The following BOD1L1 variants were observed in gnomAD, a reference collection of about 807,000 sequenced individuals.
BOD1L1 encodes the protein biorientation of chromosomes in cell division protein 1-like 1.
BOD1L1 carries 86 observed loss-of-function variants against 240.7 expected under a neutral mutation model. That is an observed-to-expected ratio of 0.36 (90% confidence interval 0.30 to 0.43). The LOEUF is 0.43. BOD1L1 is among the 20% of genes least tolerant of loss of function. The pLI is 1.00. For missense variants in BOD1L1, 3,554 were observed against 3,643.5 expected, an observed-to-expected ratio of 0.98 and a Z score of 0.63; for synonymous variants, 1,268 against 1,272.3, an observed-to-expected ratio of 1.00 and a Z score of 0.07.
At chr4:13,577,547 A>G (rs1455062335) in intron 23 of BOD1L1, 35 bp downstream of exon 23, 1 of 1,592,588 alleles carries the variant, frequency 6.3e-7, no homozygotes, top group Non-Finnish European at 8.6e-7. Context: ...GTTGATTTCT[A>G]AACAACATAT....
In BOD1L1 at chr4:13,595,938, C is replaced by T. The variant is rs756951482; in HGVS notation, c.8026G>A (p.Val2676Met). 3 of 1,613,042 alleles carry T rather than the reference C, an allele frequency of 1.9e-6. No individual in the cohort carries two copies. Among genetic ancestry groups the T allele is most frequent in the African/African-American group, 2.7e-5 (2 of 74,810 alleles). ...LKANLKMEAY[V>M]PSEEEKNGEI... ...CCATTTTTCTCTTCCTCTGAAGGCACATAAGCCTAAAAAATCCAAAGCACC... is the reference window on the plus strand; with the variant it reads ...CCATTTTTCTCTTCCTCTGAAGGCATATAAGCCTAAAAAATCCAAAGCACC... Residue 2676 changes from valine to methionine, a missense_variant, in exon 12 of 26, where the codon GTG becomes ATG. Physicochemically the swap from Val to Met is conservative, Grantham distance 21 (BLOSUM62 1). Around this residue, in one of 2 missense-constraint regions of BOD1L1, gnomAD observed 3,393 missense variants for 3,427.1 expected, o/e 0.99. Coordinates refer to ENST00000040738, the MANE Select transcript of BOD1L1 (RefSeq NM_148894.3).
At chr4:13,610,516 A>C (rs1296930669) in intron 6 of BOD1L1, among the ~76,000 whole-genome samples, 1 of 152,240 alleles carries the variant, frequency 6.6e-6, no homozygotes, top group Non-Finnish European at 1.5e-5. Context: ...GGCAGTCAAA[A>C]TGCAGTCAAA....
At position 13,581,208 on chromosome 4, in the gene BOD1L1, C is replaced by G; in HGVS notation, c.8593-1G>C. Reference sequence around the variant, plus strand: ...TTTTAATAATTATTGGCTGATCTTCCTAAGGGGGAAATAAAAAACAACAAC... The same window carrying G: ...TTTTAATAATTATTGGCTGATCTTCGTAAGGGGGAAATAAAAAACAACAAC... On this transcript the variant is annotated splice_acceptor_variant, in intron 19 of 25. Coordinates refer to ENST00000040738, the MANE Select transcript of BOD1L1 (RefSeq NM_148894.3). LOFTEE classifies it high-confidence loss of function. 6.5e-7 allele frequency: 1 copy of G among 1,545,848 alleles called. No individual in the cohort carries two copies. Among genetic ancestry groups the G allele is most frequent in the Non-Finnish European group, 8.7e-7 (1 of 1,146,296 alleles).
chr4:13,594,189 A>C (rs900833943), intron 12 of BOD1L1, among the ~76,000 whole-genome samples: 1 of 151,800 alleles, frequency 6.6e-6, no homozygotes, highest in South Asian at 2.1e-4. Flanking sequence ...AAATGCCTAT[A>C]GAGTTTTTTG....
intron 22 of BOD1L1, 27 bp downstream of exon 22, chr4:13,579,901 A>T: frequency 6.5e-7 from 1 of 1,538,204 alleles, no homozygotes; most frequent in Non-Finnish European, 8.8e-7. Flanking sequence ...CTCAGATAAC[A>T]CACAGAGGAA....
chr4:13,603,146 C>T lies in BOD1L1; in HGVS notation c.3754G>A (p.Val1252Ile). Reference sequence around the variant, plus strand: ...GCTGTGTTTTTCAAATTCTTCTGTACCCTATCATTTTCTGATGGGGCACTC... The same window carrying T: ...GCTGTGTTTTTCAAATTCTTCTGTATCCTATCATTTTCTGATGGGGCACTC... The part of the protein sequence containing the change: ...LLSAPSENDR[V>I]QKNLKNTAAE... The change falls in exon 10 of 26, where the codon GTA becomes ATA. Residue 1252 changes from valine to isoleucine, a missense_variant. By Grantham distance (29) the Val-to-Ile change is conservative. This residue lies in a region of BOD1L1 where 3,393 missense variants were observed against 3,427.1 expected (regional missense o/e 0.99). Coordinates refer to ENST00000040738, the MANE Select transcript of BOD1L1 (RefSeq NM_148894.3). 3.7e-6 allele frequency: 6 copies of T among 1,614,014 alleles called. No individual in the cohort carries two copies. The highest frequency in any genetic ancestry group is 5.1e-6 in the Non-Finnish European group (6 of 1,179,886).
chr4:13,603,994 C>A lies in BOD1L1; in HGVS notation c.2906G>T (p.Gly969Val). 6.2e-7 allele frequency: 1 copy of A among 1,613,942 alleles called. No homozygotes were observed. The highest frequency in any genetic ancestry group is 8.5e-7 in the Non-Finnish European group (1 of 1,179,868). The change falls in exon 10 of 26, where the codon GGT (glycine) becomes GTT (valine). Residue 969 changes from glycine to valine, a missense_variant. Physicochemically the swap from Gly to Val is moderately radical, Grantham distance 109. Transcript: ENST00000040738. ...KVEDKPFEETGVEPVLETASS... is the reference protein window; with the variant it reads ...KVEDKPFEETVVEPVLETASS... ...AGCAGTCTCTAATACAGGTTCAACA[C>A]CAGTTTCTTCAAAAGGTTTGTCTTC...
chr4:13,598,684 C>T (rs994744799), intron 10 of BOD1L1, among the ~76,000 whole-genome samples: 1 of 152,164 alleles, frequency 6.6e-6, no homozygotes, highest in African/African-American at 2.4e-5. Flanking sequence ...ACTTCCCATG[C>T]CTCAGCCTCC....
Position 13,614,808 on chromosome 4 carries a change from C to G in BOD1L1, c.562G>C (p.Val188Leu). ...KPDTSLITQG[V>L]PTPGPSANVA... Reference sequence around the variant, plus strand: ...TTAGCACTGGGCCCAGGAGTAGGAACACCTTAAAGAAAAACAGAAGTTTTA... The same window carrying G: ...TTAGCACTGGGCCCAGGAGTAGGAAGACCTTAAAGAAAAACAGAAGTTTTA... Residue 188 changes from valine (V) to leucine (L), a missense_variant and splice_region_variant, in exon 4 of 26, where the codon GTT (valine) becomes CTT (leucine). Coordinates refer to ENST00000040738, the MANE Select transcript of BOD1L1 (RefSeq NM_148894.3). The G allele has an allele frequency of 2.5e-6, 4 of 1,600,424 alleles. No homozygotes were observed. The highest frequency in any genetic ancestry group is 3.4e-6 in the Non-Finnish European group (4 of 1,174,916).
rs774247658 is a variant in BOD1L1 at position 13,603,678 on chromosome 4, C to T, written c.3222G>A (p.Arg1074=). ...CCATTTCTTGTGACAAGCTTCCTCTCCGATTTTCGCACAACCTTCTACTTA... is the reference window on the plus strand; with the variant it reads ...CCATTTCTTGTGACAAGCTTCCTCTTCGATTTTCGCACAACCTTCTACTTA... ...KKLSRRLCEN[R]RGSLSQEMAK... Residue 1074 remains arginine, a synonymous_variant, in exon 10 of 26, where the codon CGG becomes CGA. Coordinates refer to ENST00000040738, the MANE Select transcript of BOD1L1 (RefSeq NM_148894.3). 6.2e-7 allele frequency: 1 copy of T among 1,613,834 alleles called. No individual in the cohort carries two copies. Among genetic ancestry groups the T allele is most frequent in the African/African-American group, 1.3e-5 (1 of 74,900 alleles).
chr4:13,583,203 T>A (rs895813727), intron 17 of BOD1L1, among the ~76,000 whole-genome samples: 6 of 152,112 alleles, frequency 3.9e-5, no homozygotes, highest in African/African-American at 1.4e-4. Context: ...AGCAATTAAA[T>A]TATCCCCCCA....
At chr4:13,578,444 G>C (rs1386452460) in intron 22 of BOD1L1, among the ~76,000 whole-genome samples, 1 of 152,166 alleles carries the variant, frequency 6.6e-6, no homozygotes, top group African/African-American at 2.4e-5. Context: ...TTTTGATTAG[G>C]AATGCTCAAC....
rs2108936570 is a variant in BOD1L1 at position 13,599,334 on chromosome 4, G to A, written c.7566C>T (p.Ser2522=). 1.2e-6 allele frequency: 2 copies of A among 1,613,936 alleles called. No individual in the cohort carries two copies. The highest frequency in any genetic ancestry group is 1.1e-5 in the South Asian group (1 of 91,068). The change falls in exon 10 of 26, where the codon AGC becomes AGT. Residue 2522 remains serine (S), a synonymous_variant. Transcript: ENST00000040738. The stretch of plus-strand genomic sequence containing the variant: ...TGTTTACTGCTGCCAAATAGCGAAT[G>A]CTGACAGAGGGATCCTTAGCCGTCT... ...SGQTAKDPSV[S]IRYLAAVNTG...
chr4:13,601,928 C>T lies in BOD1L1; in HGVS notation c.4972G>A (p.Gly1658Ser). Residue 1658 changes from glycine (G) to serine (S), a missense_variant, in exon 10 of 26, where the codon GGC becomes AGC. By Grantham distance (56) the Gly-to-Ser change is moderately conservative. Coordinates refer to ENST00000040738, the MANE Select transcript of BOD1L1 (RefSeq NM_148894.3). ...EEKDDAVTSA[G>S]SEEKCDGSLS... ...GAACCATCACATTTTTCTTCAGAGC[C>T]TGCACTGGTTACAGCATCATCCTTT... 2 of 1,613,946 alleles carry T rather than the reference C, an allele frequency of 1.2e-6. No homozygotes were observed. Among genetic ancestry groups the T allele is most frequent in the East Asian group, 4.5e-5 (2 of 44,880 alleles).
rs755743204 is a variant in BOD1L1 at position 13,598,984 on chromosome 4, A to G, written c.7916T>C (p.Met2639Thr). 4.3e-6 allele frequency: 7 copies of G among 1,613,216 alleles called. No homozygotes were observed. In the Admixed American group the frequency reaches 8.3e-5, roughly 19 times the overall value. The change falls in exon 10 of 26, where the codon ATG becomes ACG. Residue 2639 changes from methionine to threonine, a missense_variant. By Grantham distance (81) the Met-to-Thr change is moderately conservative. This residue lies in a region of BOD1L1 where 3,393 missense variants were observed against 3,427.1 expected (regional missense o/e 0.99). Transcript: ENST00000040738. ...RKSFPEEGDI[M>T]VTVSSEENVC... ...ATTTTCTTCAGAAGACACAGTAACC[A>G]TTATGTCTCCTTCCTCAGGGAATGA...
chr4:13,603,273 T>A lies in BOD1L1; in HGVS notation c.3627A>T (p.Ile1209=). 6.2e-7 allele frequency: 1 copy of A among 1,614,002 alleles called. No individual in the cohort carries two copies. The highest frequency in any genetic ancestry group is 8.5e-7 in the Non-Finnish European group (1 of 1,179,890). ...HRSTLTKKMH[I]QSAVSKMNPG... Reference sequence around the variant, plus strand: ...GGTTCATTTTGGACACAGCACTTTGTATATGCATTTTCTTGGTCAAGGTGC... The same window carrying A: ...GGTTCATTTTGGACACAGCACTTTGAATATGCATTTTCTTGGTCAAGGTGC... The change falls in exon 10 of 26, where the codon ATA becomes ATT. Residue 1209 remains isoleucine (I), a synonymous_variant. Transcript: ENST00000040738.
At position 13,608,428 on chromosome 4, in the gene BOD1L1, T is replaced by C. The variant is rs1715889090; in HGVS notation, c.1742+102A>G. ...GGTCCTTCATAAACATGCAGTAACA[T>C]ACACAACCAAAGTACAACTCTTTAC... On this transcript the variant is annotated intron_variant, in intron 8 of 25. Transcript: ENST00000040738. 5.4e-6 allele frequency: 6 copies of C among 1,103,120 alleles called. 1 individual carries two copies. In the South Asian group the frequency reaches 1.2e-4, roughly 22 times the overall value. 68.3% of individuals were successfully genotyped at this position (1,103,120 alleles called of 1,614,324 possible).
intron 12 of BOD1L1, chr4:13,592,192 AT>A (rs1214038780): frequency 1.5e-5 from 7 of 480,874 alleles, no homozygotes; most frequent in Non-Finnish European, 2.2e-5. Flanking sequence ...TGTTGCCTGC[AT>A]TTTTTATAAT....
At chr4:13,583,608 G>C (rs1577319913) in intron 17 of BOD1L1, among the ~76,000 whole-genome samples, 1 of 152,176 alleles carries the variant, frequency 6.6e-6, no homozygotes, top group Non-Finnish European at 1.5e-5. Context: ...CCCACTTCAT[G>C]TCAGATATGA....
Sources: allele counts gnomAD v4.1 joint callset (sites outside exome capture counted in the v4.1 genomes callset), GRCh38; gene constraint gnomAD v4.1.1; regional missense constraint gnomAD v4.1.1; transcripts MANE v1.5; gene names NCBI Gene and HGNC (gene_info 2026-07-23, HGNC 2026-07-21).